PGM5: variants seen among roughly 807,000 people sequenced by gnomAD.
The protein encoded by PGM5 is phosphoglucomutase 5.
Under a neutral mutation model 59.2 loss-of-function variants are expected in PGM5, and 23 were observed. The ratio of observed to expected loss-of-function variants is 0.39; its 90% CI spans 0.28 to 0.55. PGM5 has a LOEUF of 0.55. PGM5 is among the 20% of genes least tolerant of loss of function. The pLI is 0.66. For missense variants in PGM5, 574 were observed against 748.3 expected (o/e 0.77, Z 2.72); for synonymous variants, 214 against 286.0 (o/e 0.75, Z 2.54).
chr9:68,376,852 TC>T (rs782805390), intron 1 of PGM5, among the ~76,000 whole-genome samples: 22 of 88,842 alleles, frequency 2.5e-4, no homozygotes, highest in African/African-American at 7.6e-4. Context: ...TCTTTCTTTC[TC>T]TTTCTTTCTT....
intron 6 of PGM5, among the ~76,000 whole-genome samples, chr9:68,422,429 T>G (rs1228318677): frequency 6.6e-6 from 1 of 151,612 alleles, no homozygotes; most frequent in Non-Finnish European, 1.5e-5. Context: ...TGTGTGGTGG[T>G]TTTTTGTTTT....
intron 6 of PGM5, among the ~76,000 whole-genome samples, chr9:68,421,896 T>C (rs1554682371): frequency 6.6e-6 from 1 of 151,430 alleles, no homozygotes; most frequent in Non-Finnish European, 1.5e-5. Flanking sequence ...TTATAAGAGA[T>C]ATGTCTAAAA....
At chr9:68,379,914 A>G (rs1822024186) in intron 2 of PGM5, among the ~76,000 whole-genome samples, 1 of 152,010 alleles carries the variant, frequency 6.6e-6, no homozygotes, top group Non-Finnish European at 1.5e-5. Context: ...AACAATTGTA[A>G]ACATATATGC....
chr9:68,512,960 C>T (rs782736154), intron 10 of PGM5, among the ~76,000 whole-genome samples: 92 of 152,134 alleles, frequency 6.0e-4, no homozygotes, highest in African/African-American at 2.0e-3. Flanking sequence ...TTTTCCCAAC[C>T]ATTAAACATA....
At chr9:68,510,696 G>T (rs1475180892) in intron 10 of PGM5, among the ~76,000 whole-genome samples, 3 of 152,200 alleles carry the variant, frequency 2.0e-5, no homozygotes, top group African/African-American at 7.2e-5. Flanking sequence ...CATGGCCTGT[G>T]ACACAGCCTC....
chr9:68,489,567 C>T (rs1175258500), intron 9 of PGM5, among the ~76,000 whole-genome samples: 3 of 150,666 alleles, frequency 2.0e-5, no homozygotes, highest in Admixed American at 1.3e-4. Flanking sequence ...CGGGTTCAAG[C>T]GATTCTTGTG....
chr9:68,524,408 G>A (rs1824942653), intron 10 of PGM5, among the ~76,000 whole-genome samples: 1 of 152,110 alleles, frequency 6.6e-6, no homozygotes, highest in Non-Finnish European at 1.5e-5. Context: ...GGCCTGCTTG[G>A]TTTGGAGCAA....
chr9:68,398,537 G>A (rs1239421228), intron 6 of PGM5: 2 of 152,264 alleles, frequency 1.3e-5, no homozygotes, highest in African/African-American at 4.8e-5. Context: ...GTGAGGTCTG[G>A]AGTTGTGAAA....
intron 8 of PGM5, among the ~76,000 whole-genome samples, 189 bp downstream of exon 8, chr9:68,479,742 G>A (rs1416043876): frequency 2.0e-5 from 3 of 152,066 alleles, no homozygotes; most frequent in South Asian, 4.1e-4. Context: ...AGACCATCCC[G>A]GCTAAAACGG....
intron 6 of PGM5, among the ~76,000 whole-genome samples, chr9:68,451,868 G>A (rs1726944356): frequency 6.6e-6 from 1 of 152,002 alleles, no homozygotes; most frequent in South Asian, 2.1e-4. Flanking sequence ...ATACCAAGGG[G>A]GCATTATTCC....
intron 6 of PGM5, among the ~76,000 whole-genome samples, chr9:68,403,414 G>A (rs2132030001): frequency 6.6e-6 from 1 of 152,252 alleles, no homozygotes; most frequent in South Asian, 2.1e-4. Flanking sequence ...ACAATAAATG[G>A]AATGTTCTCG....
At chr9:68,423,587 C>T (rs1823181886) in intron 6 of PGM5, among the ~76,000 whole-genome samples, 1 of 151,926 alleles carries the variant, frequency 6.6e-6, no homozygotes, top group Non-Finnish European at 1.5e-5. Flanking sequence ...TTTCTCTTCC[C>T]CTGGAATGGC....
chr9:68,491,476 G>A (rs1449518073), intron 9 of PGM5, among the ~76,000 whole-genome samples: 1 of 152,146 alleles, frequency 6.6e-6, no homozygotes, highest in Non-Finnish European at 1.5e-5. Context: ...GGGATGCTAC[G>A]ATAACTGTGA....
intron 1 of PGM5, among the ~76,000 whole-genome samples, chr9:68,372,518 G>C (rs1266434562): frequency 1.3e-5 from 2 of 152,078 alleles, no homozygotes; most frequent in Non-Finnish European, 2.9e-5. Context: ...CCTGCTGCTG[G>C]TAGAGTAGGC....
intron 6 of PGM5, among the ~76,000 whole-genome samples, chr9:68,450,076 T>C (rs534209865): frequency 6.6e-6 from 1 of 152,296 alleles, no homozygotes; most frequent in South Asian, 2.1e-4. Context: ...AGTTCAAGTG[T>C]GAACCCCTTT....
intron 6 of PGM5, among the ~76,000 whole-genome samples, chr9:68,458,551 G>A (rs1448060445): frequency 2.6e-5 from 4 of 152,182 alleles, no homozygotes; most frequent in South Asian, 4.2e-4. Flanking sequence ...TGATAATATC[G>A]CAACTCTGTA....
At chr9:68,418,068 G>A (rs78140182) in intron 6 of PGM5, among the ~76,000 whole-genome samples, 2 of 152,168 alleles carry the variant, frequency 1.3e-5, no homozygotes, top group African/African-American at 2.4e-5. Context: ...AAGAGGCTGA[G>A]CTGCTTTGGG....
At chr9:68,508,985 A>G (rs534578216) in intron 10 of PGM5, among the ~76,000 whole-genome samples, 6 of 152,336 alleles carry the variant, frequency 3.9e-5, no homozygotes, top group African/African-American at 1.4e-4. Flanking sequence ...TGGCCTTCAG[A>G]AGGAAGCTCT....
intron 6 of PGM5, among the ~76,000 whole-genome samples, chr9:68,442,058 A>C (rs573230909): frequency 1.2e-4 from 18 of 152,328 alleles, no homozygotes; most frequent in African/African-American, 3.8e-4. Flanking sequence ...TAATGAAAAA[A>C]AGTCTAAGAA....
Sources: allele counts gnomAD v4.1 joint callset (sites outside exome capture counted in the v4.1 genomes callset), GRCh38; gene constraint gnomAD v4.1.1; transcripts MANE v1.5; gene names NCBI Gene and HGNC (gene_info 2026-07-23, HGNC 2026-07-21).